The following TRAM1 variants were observed in gnomAD, a reference collection of about 807,000 sequenced individuals.
TRAM1 encodes the protein translocating chain-associated membrane protein 1.
Under a neutral mutation model 48.7 loss-of-function variants are expected in TRAM1, and 17 were observed. That is an observed-to-expected ratio of 0.35 (90% CI 0.24 to 0.52). TRAM1 has a LOEUF of 0.52. TRAM1 is among the 20% of genes least tolerant of loss of function. The probability of loss-of-function intolerance (pLI) is 0.94; values close to 1 mark genes in which losing one functional copy is unlikely to be tolerated. For missense variants in TRAM1, 351 were observed against 441.5 expected (o/e 0.79, Z 1.84); for synonymous variants, 182 against 154.0 (o/e 1.18, Z -1.34).
chr8:70,589,797 T>C (rs1817310452), intron 6 of TRAM1, among the ~76,000 whole-genome samples: 1 of 152,168 alleles, frequency 6.6e-6, no homozygotes, highest in African/African-American at 2.4e-5. Context: ...TGAGCCGTGA[T>C]TGTGGCCACT....
Position 70,586,991 on chromosome 8 carries a change from T to C in TRAM1, c.650A>G (p.His217Arg), listed in dbSNP as rs150612735. 23 of 1,613,674 alleles carry C rather than the reference T, an allele frequency of 1.4e-5. No homozygotes were observed. Among genetic ancestry groups the C allele is most frequent in the Non-Finnish European group, 1.9e-5 (23 of 1,179,862 alleles). ...TAGCACCAGAAGAACAAGTCCTAGA[T>C]GATTCAAGCTGTTAAAAGAGCAAAT... is the stretch of plus-strand genomic sequence containing the variant. The part of the protein sequence containing the change: ...IAGAYLLNLN[H>R]LGLVLLVLHY... The change falls in exon 8 of 11, where the codon CAT becomes CGT. Residue 217 changes from histidine (H) to arginine (R), a missense_variant. His to Arg is a conservative substitution (Grantham distance 29, BLOSUM62 0). Transcript: ENST00000262213.
chr8:70,603,357 C>A (rs1169927612), intron 1 of TRAM1, among the ~76,000 whole-genome samples: 1 of 151,636 alleles, frequency 6.6e-6, no homozygotes, highest in Non-Finnish European at 1.5e-5. Context: ...CACAAACACT[C>A]CACATCCCTG....
In TRAM1 at chr8:70,608,403, G is replaced by C; in HGVS notation, c.-204C>G. 2.1e-6 allele frequency: 1 copy of C among 465,410 alleles called. No individual in the cohort carries two copies. Among genetic ancestry groups the C allele is most frequent in the Non-Finnish European group, 3.5e-6 (1 of 283,846 alleles). The allele number at this position is 465,410 out of a possible 1,614,324, so 28.8% of individuals were successfully genotyped here. On this transcript the variant is annotated 5_prime_UTR_variant, in exon 1 of 11. Transcript: ENST00000262213. ...AAAAAAACACAACAGCTAGCCCGCA[G>C]CGGGGGCGAGCATGCGCACCAGGGA...
rs1389201156 is a variant in TRAM1, at chr8:70,608,377, A to AC, written c.-179_-178insG. The AC allele has an allele frequency of 3.1e-6, 2 of 650,980 alleles. No homozygotes were observed. Among genetic ancestry groups the AC allele is most frequent in the Non-Finnish European group, 4.6e-6 (2 of 430,600 alleles). The allele number at this position is 650,980 out of a possible 1,614,324, so 40.3% of individuals were successfully genotyped here. On this transcript the variant is annotated 5_prime_UTR_variant, in exon 1 of 11. Transcript: ENST00000262213. ...CAGCCGCCGGGCCGCCCGGGGGAAAAAAAAAAACACAACAGCTAGCCCGCA... is the reference window on the plus strand; with the variant it reads ...CAGCCGCCGGGCCGCCCGGGGGAAAACAAAAAAACACAACAGCTAGCCCGCA...
In TRAM1 at chr8:70,594,595, A is replaced by G; in HGVS notation, c.486-5T>C. On this transcript the variant is annotated splice_polypyrimidine_tract_variant and splice_region_variant and intron_variant, in intron 5 of 10. Transcript: ENST00000262213. The stretch of plus-strand genomic sequence containing the variant: ...TAGAAAAACTTCATTTGAAATCTGT[A>G]CAACACAAGAAAATGAAGAGTACCT... 1.1e-5 allele frequency: 18 copies of G among 1,578,198 alleles called. No individual in the cohort carries two copies. Among genetic ancestry groups the G allele is most frequent in the Non-Finnish European group, 1.5e-5 (18 of 1,166,502 alleles).
intron 1 of TRAM1, among the ~76,000 whole-genome samples, chr8:70,606,144 A>G (rs1817713431): frequency 6.6e-6 from 1 of 152,224 alleles, no homozygotes; most frequent in South Asian, 2.1e-4. Context: ...AGGTCAAAGC[A>G]GAAAGTACAT....
chr8:70,607,924 C>G, intron 1 of TRAM1, 153 bp downstream of exon 1: 2 of 929,736 alleles, frequency 2.2e-6, no homozygotes, highest in Non-Finnish European at 2.9e-6. Flanking sequence ...TGGGGCAGGG[C>G]AGGGAAGGCC....
chr8:70,600,176 C>T lies in TRAM1; in HGVS notation c.124-94G>A, dbSNP rs16937146. On this transcript the variant is annotated intron_variant, in intron 1 of 10. Transcript: ENST00000262213. ...AACATTATAAAATCTGTCCCTAAATCGAAGCACCAAGGGCCTCCTCGTTCC... is the reference window on the plus strand; with the variant it reads ...AACATTATAAAATCTGTCCCTAAATTGAAGCACCAAGGGCCTCCTCGTTCC... 2.2e-3 allele frequency: 2,179 copies of T among 989,796 alleles called. 28 individuals are homozygous for T. The African/African-American group carries it at 0.029, about 13-fold the overall frequency. The allele number at this position is 989,796 out of a possible 1,614,324, so 61.3% of individuals were successfully genotyped here.
chr8:70,587,665 C>T (rs1203663078), intron 6 of TRAM1: 1 of 153,930 alleles, frequency 6.5e-6, no homozygotes, highest in Non-Finnish European at 1.4e-5. Context: ...TTGTTATGTT[C>T]ATAGTAGTAG....
intron 1 of TRAM1, chr8:70,607,566 G>T: frequency 1.1e-6 from 1 of 872,088 alleles, no homozygotes; most frequent in Non-Finnish European, 1.4e-6. Context: ...GTCACTCGGG[G>T]CCTGTGGTCT....
intron 6 of TRAM1, among the ~76,000 whole-genome samples, chr8:70,588,739 C>T (rs1384002020): frequency 6.6e-6 from 1 of 152,154 alleles, no homozygotes; most frequent in Admixed American, 6.5e-5. Flanking sequence ...GTTTACAAAA[C>T]ACTGACAGTG....
At position 70,607,985 on chromosome 8, in the gene TRAM1, C is replaced by T. The variant is rs539185209; in HGVS notation, c.123+92G>A. 6 of 1,419,378 alleles carry T rather than the reference C, an allele frequency of 4.2e-6. No homozygotes were observed. The South Asian group carries it at 8.6e-5, about 20-fold the overall frequency. 87.9% of individuals were successfully genotyped at this position (1,419,378 alleles called of 1,614,324 possible). On this transcript the variant is annotated intron_variant, in intron 1 of 10. Coordinates refer to ENST00000262213, the MANE Select transcript of TRAM1 (RefSeq NM_014294.6). ...ACCCACCCCGGGCCCGAGCCCCCCGCGTCCTGGGCGGAGAAGCCGGGGCTG... is the reference window on the plus strand; with the variant it reads ...ACCCACCCCGGGCCCGAGCCCCCCGTGTCCTGGGCGGAGAAGCCGGGGCTG...
At chr8:70,602,016 A>G (rs1817616488) in intron 1 of TRAM1, among the ~76,000 whole-genome samples, 1 of 152,238 alleles carries the variant, frequency 6.6e-6, no homozygotes, top group Non-Finnish European at 1.5e-5. Flanking sequence ...GAGAACAGGG[A>G]AAAAAGCAAA....
chr8:70,577,025 G>T (rs531702621), intron 10 of TRAM1, among the ~76,000 whole-genome samples: 41 of 152,306 alleles, frequency 2.7e-4, no homozygotes, highest in African/African-American at 9.4e-4. Flanking sequence ...TCTCTTTCTT[G>T]TCATCCACAA....
At chr8:70,601,807 G>A (rs889221974) in intron 1 of TRAM1, among the ~76,000 whole-genome samples, 1 of 152,180 alleles carries the variant, frequency 6.6e-6, no homozygotes, top group Non-Finnish European at 1.5e-5. Flanking sequence ...ATTTATTGAT[G>A]CCTACAGCTG....
intron 10 of TRAM1, among the ~76,000 whole-genome samples, chr8:70,582,612 T>G (rs1295070681): frequency 6.6e-6 from 1 of 151,426 alleles, no homozygotes; most frequent in Non-Finnish European, 1.5e-5. Flanking sequence ...CTCTAAAAAC[T>G]TCCTGTGTTA....
chr8:70,594,701 T>C, intron 5 of TRAM1, 111 bp from the exon 6 acceptor site: 1 of 768,198 alleles, frequency 1.3e-6, no homozygotes. Context: ...TGTGTCATCA[T>C]TCCATACAAT....
chr8:70,594,632 AT>A (rs759163139), intron 5 of TRAM1, 42 bp from the exon 6 acceptor site: 56 of 1,479,586 alleles, frequency 3.8e-5, no homozygotes, highest in South Asian at 9.0e-5. Context: ...TTAAAGCATA[AT>A]TTTTTTAAAA....
chr8:70,587,235 A>T, intron 6 of TRAM1, 59 bp from the exon 7 acceptor site: 1 of 1,545,000 alleles, frequency 6.5e-7, no homozygotes, highest in Non-Finnish European at 8.9e-7. Context: ...CCCTTTTTTT[A>T]AGAGGTGTGG....
Sources: gnomAD v4.1 joint callset for allele counts (sites outside exome capture counted in the v4.1 genomes callset) on GRCh38, gnomAD v4.1.1 for gene constraint, MANE v1.5 for transcripts, NCBI Gene and HGNC (gene_info 2026-07-23, HGNC 2026-07-21) for gene names.